CTNNA2: variants seen among roughly 807,000 people sequenced by gnomAD.
CTNNA2 encodes the protein catenin alpha 2, also known as catenin alpha-2.
CTNNA2 carries 42 observed loss-of-function variants against 101.0 expected under a neutral mutation model. The ratio of observed to expected loss-of-function variants is 0.42; its 90% CI spans 0.32 to 0.54. The LOEUF is 0.54. Among genes scored for constraint, CTNNA2 ranks in the 20% least tolerant of loss-of-function variants. The pLI, the probability that CTNNA2 is intolerant of heterozygous loss-of-function variation, is 0.14. For missense variants in CTNNA2, 871 were observed against 1,223.1 expected (o/e 0.71, Z 4.29); for synonymous variants, 450 against 456.4 (o/e 0.99, Z 0.18).
intron 7 of CTNNA2, among the ~76,000 whole-genome samples, chr2:79,977,864 C>T (rs756481060): frequency 6.6e-6 from 1 of 151,988 alleles, no homozygotes; most frequent in African/African-American, 2.4e-5. Context: ...GAATTATATC[C>T]TTCTCAGCCT....
intron 2 of CTNNA2, among the ~76,000 whole-genome samples, chr2:79,233,620 C>T (rs1674522834): frequency 1.3e-5 from 2 of 152,224 alleles, no homozygotes; most frequent in South Asian, 4.1e-4. Context: ...TTTCCTGCCT[C>T]AATAATCTGT....
intron 2 of CTNNA2, among the ~76,000 whole-genome samples, chr2:79,209,602 A>G (rs1674143097): frequency 6.6e-6 from 1 of 152,208 alleles, no homozygotes; most frequent in Admixed American, 6.5e-5. Flanking sequence ...ATGGAAACCA[A>G]TGATTCACTG....
intron 7 of CTNNA2, among the ~76,000 whole-genome samples, chr2:80,291,146 T>C (rs1171771616): frequency 1.3e-5 from 2 of 152,360 alleles, no homozygotes; most frequent in Admixed American, 6.5e-5. Flanking sequence ...TGACCAAAGA[T>C]AGTTTTTCCT....
At chr2:80,328,245 T>A in intron 7 of CTNNA2, 1 of 470,164 alleles carries the variant, frequency 2.1e-6, no homozygotes, top group Non-Finnish European at 4.4e-6. Flanking sequence ...CAGGGAAGCA[T>A]GATCAGTTCC....
intron 7 of CTNNA2, among the ~76,000 whole-genome samples, chr2:80,043,109 CTCTT>C (rs1391433697): frequency 4.2e-4 from 25 of 59,712 alleles, no homozygotes; most frequent in Non-Finnish European, 6.2e-4. Context: ...CTCTCTCTCT[CTCTT>C]TCTTTCTCCT....
intron 3 of CTNNA2, among the ~76,000 whole-genome samples, chr2:79,314,433 C>G (rs376673576): frequency 4.6e-5 from 7 of 152,084 alleles, no homozygotes; most frequent in African/African-American, 1.7e-4. Flanking sequence ...GAAGAATATG[C>G]GTGGGCCTAA....
intron 4 of CTNNA2, among the ~76,000 whole-genome samples, chr2:79,862,056 G>A (rs1681665466): frequency 6.6e-6 from 1 of 152,154 alleles, no homozygotes; most frequent in Admixed American, 6.5e-5. Context: ...CCTAGGCTCT[G>A]AACTAGTGTA....
At chr2:79,699,814 C>A (rs199823019) in intron 2 of CTNNA2, among the ~76,000 whole-genome samples, 2 of 119,114 alleles carry the variant, frequency 1.7e-5, no homozygotes, top group East Asian at 6.2e-4. Context: ...CACACACACA[C>A]ACACACACAC....
At chr2:80,424,027 C>T (rs2149413844) in intron 9 of CTNNA2, among the ~76,000 whole-genome samples, 1 of 152,132 alleles carries the variant, frequency 6.6e-6, no homozygotes, top group East Asian at 1.9e-4. Flanking sequence ...GCAATCTCTG[C>T]TCACTGCAAC....
At chr2:80,468,239 T>C (rs1685014541) in intron 9 of CTNNA2, among the ~76,000 whole-genome samples, 1 of 152,074 alleles carries the variant, frequency 6.6e-6, no homozygotes, top group Non-Finnish European at 1.5e-5. Flanking sequence ...CTAAATACAA[T>C]TTAATACCCA....
At chr2:80,516,032 A>G (rs1689082049) in intron 9 of CTNNA2, among the ~76,000 whole-genome samples, 1 of 152,134 alleles carries the variant, frequency 6.6e-6, no homozygotes, top group Non-Finnish European at 1.5e-5. Flanking sequence ...CTTTCAGGTC[A>G]AGTGTATAGA....
intron 7 of CTNNA2, among the ~76,000 whole-genome samples, chr2:79,973,418 T>C (rs544544809): frequency 6.6e-6 from 1 of 152,250 alleles, no homozygotes; most frequent in East Asian, 1.9e-4. Flanking sequence ...GCTAGAGATA[T>C]TATTATCACT....
chr2:79,534,397 A>G (rs1247893260), intron 1 of CTNNA2, among the ~76,000 whole-genome samples: 1 of 152,078 alleles, frequency 6.6e-6, no homozygotes, highest in Non-Finnish European at 1.5e-5. Context: ...TTATGGCCAT[A>G]TTGTTTGTTA....
chr2:80,346,943 G>A (rs566492412), intron 7 of CTNNA2, among the ~76,000 whole-genome samples: 1 of 152,188 alleles, frequency 6.6e-6, no homozygotes, highest in African/African-American at 2.4e-5. Flanking sequence ...AAGGAAAATG[G>A]TCTCTGTGAA....
chr2:80,559,891 T>TATATATATATATATATACAC, intron 12 of CTNNA2, among the ~76,000 whole-genome samples: 1 of 146,888 alleles, frequency 6.8e-6, no homozygotes, highest in South Asian at 2.1e-4. Context: ...TATATATATA[T>TATATATATATATATATACAC]ACACACACAT....
At chr2:80,348,760 TAAC>T (rs949195077) in intron 7 of CTNNA2, among the ~76,000 whole-genome samples, 3 of 146,344 alleles carry the variant, frequency 2.0e-5, no homozygotes, top group African/African-American at 7.8e-5. Flanking sequence ...CTGATTTAAA[TAAC>T]AACAAACAAG....
intron 7 of CTNNA2, among the ~76,000 whole-genome samples, chr2:80,162,007 A>T (rs1055482286): frequency 6.6e-6 from 1 of 152,188 alleles, no homozygotes; most frequent in African/African-American, 2.4e-5. Context: ...CTTCTCAAAT[A>T]GAATGTTAGT....
intron 7 of CTNNA2, among the ~76,000 whole-genome samples, chr2:80,221,006 C>T (rs1421065751): frequency 6.6e-6 from 1 of 152,130 alleles, no homozygotes; most frequent in Non-Finnish European, 1.5e-5. Context: ...CTCAGCCTCC[C>T]AAGTAGCTAG....
chr2:79,998,652 G>C (rs62139633), intron 7 of CTNNA2, among the ~76,000 whole-genome samples: 2 of 152,158 alleles, frequency 1.3e-5, no homozygotes, highest in Non-Finnish European at 1.5e-5. Context: ...CAAAAAGATA[G>C]CCATTGCACT....
Sources: gnomAD v4.1 joint callset for allele counts (sites outside exome capture counted in the v4.1 genomes callset) on GRCh38, gnomAD v4.1.1 for gene constraint, MANE v1.5 for transcripts, NCBI Gene and HGNC (gene_info 2026-07-23, HGNC 2026-07-21) for gene names.